Variants in DOCK9 observed in about 807,000 individuals in gnomAD.
DOCK9 encodes dedicator of cytokinesis protein 9.
DOCK9 carries 89 observed loss-of-function variants against 263.3 expected under a neutral mutation model. The ratio of observed to expected loss-of-function variants is 0.34; its 90% CI spans 0.28 to 0.40. The LOEUF (loss-of-function observed/expected upper bound fraction) is 0.40, where lower values mean the gene tolerates loss of function less well. Ranked by LOEUF, DOCK9 falls within the 10% of genes least tolerant of loss-of-function variation. The probability of loss-of-function intolerance (pLI) is 1.00; values close to 1 mark genes in which losing one functional copy is unlikely to be tolerated. For synonymous variants in DOCK9, 976 were observed against 973.1 expected (o/e 1.00, Z -0.06); for missense variants, 2,140 against 2,603.4 (o/e 0.82, Z 3.87).
At chr13:99,072,123 C>T (rs1470057287) in intron 1 of DOCK9, among the ~76,000 whole-genome samples, 6 of 152,206 alleles carry the variant, frequency 3.9e-5, no homozygotes, top group Non-Finnish European at 7.3e-5. Context: ...TGCACAACAT[C>T]TGGACACAGT....
intron 1 of DOCK9, among the ~76,000 whole-genome samples, chr13:99,003,090 A>G (rs1302251178): frequency 2.0e-5 from 3 of 152,210 alleles, no homozygotes; most frequent in African/African-American, 7.2e-5. Context: ...AGTCTACTAC[A>G]CAAGCCCCTT....
intron 1 of DOCK9, among the ~76,000 whole-genome samples, chr13:98,983,669 T>C (rs188637082): frequency 2.4e-3 from 370 of 151,092 alleles, no homozygotes; most frequent in African/African-American, 8.7e-3. Context: ...CAGGCTGGAG[T>C]GCAGTGGCAT....
rs192049554 is a variant in DOCK9, at chr13:98,950,518, G to A, written c.243+4917C>T. 2,558 of 385,154 alleles carry A rather than the reference G, an allele frequency of 6.6e-3. 20 individuals carry two copies. The highest frequency in any genetic ancestry group is 9.0e-3 in the Non-Finnish European group (1,945 of 215,644). 23.9% of individuals were successfully genotyped at this position (385,154 alleles called of 1,614,324 possible). On this transcript the variant is annotated intron_variant, in intron 2 of 52. Coordinates refer to ENST00000682017, the MANE Select transcript of DOCK9 (RefSeq NM_001366683.2). Reference sequence around the variant, plus strand: ...AGGTCTTGCTGTGCTGTCCAGGGTGGTCTTGAACTTCTAGGCTTAAGCAAT... The same window carrying A: ...AGGTCTTGCTGTGCTGTCCAGGGTGATCTTGAACTTCTAGGCTTAAGCAAT...
chr13:98,944,519 G>C (rs143836900), intron 2 of DOCK9, among the ~76,000 whole-genome samples: 1 of 152,126 alleles, frequency 6.6e-6, no homozygotes, highest in Admixed American at 6.5e-5. Context: ...GAGGCATCAT[G>C]GTTCCGCTGA....
At chr13:98,837,653 G>A in intron 38 of DOCK9, 44 bp from the exon 39 acceptor site, 2 of 1,401,424 alleles carry the variant, frequency 1.4e-6, no homozygotes, top group Admixed American at 1.8e-5. Context: ...TGGTTCAGAA[G>A]GCAAGGCTGG....
At chr13:98,974,545 T>G (rs760852271) in intron 1 of DOCK9, among the ~76,000 whole-genome samples, 15 of 150,466 alleles carry the variant, frequency 1.0e-4, no homozygotes, top group Non-Finnish European at 2.1e-4. Flanking sequence ...GGGTCAGGAG[T>G]TCGAAACCAG....
intron 20 of DOCK9, 111 bp from the exon 21 acceptor site, chr13:98,885,203 T>C: frequency 1.4e-6 from 2 of 1,430,328 alleles, no homozygotes; most frequent in Non-Finnish European, 1.9e-6. Context: ...TCCTATCAAT[T>C]AGAGTAAGAA....
At chr13:98,919,542 CG>C (rs1444537229) in intron 7 of DOCK9, among the ~76,000 whole-genome samples, 4 of 152,210 alleles carry the variant, frequency 2.6e-5, no homozygotes, top group Non-Finnish European at 5.9e-5. Context: ...CTTACAGAAT[CG>C]AGCTACAGGC....
At chr13:99,002,106 T>C (rs1237778192) in intron 1 of DOCK9, among the ~76,000 whole-genome samples, 1 of 152,236 alleles carries the variant, frequency 6.6e-6, no homozygotes, top group Admixed American at 6.5e-5. Flanking sequence ...TTCACTTCCA[T>C]TGTGCATCAG....
chr13:98,884,868 A>T, intron 21 of DOCK9, 103 bp downstream of exon 21: 1 of 1,340,180 alleles, frequency 7.5e-7, no homozygotes, highest in Non-Finnish European at 1.0e-6. Context: ...AAATGGTGGA[A>T]GAGCAAAAAT....
intron 1 of DOCK9, among the ~76,000 whole-genome samples, chr13:98,991,595 A>T (rs1213645798): frequency 6.6e-6 from 1 of 152,012 alleles, no homozygotes; most frequent in Non-Finnish European, 1.5e-5. Context: ...ACTGGGTTAA[A>T]TAAAATATAT....
chr13:99,008,597 C>T (rs954569838), intron 1 of DOCK9, among the ~76,000 whole-genome samples: 1 of 152,184 alleles, frequency 6.6e-6, no homozygotes, highest in Non-Finnish European at 1.5e-5. Flanking sequence ...TTCTTATACT[C>T]TACTTGTATC....
chr13:98,900,993 T>A (rs2048191093), intron 13 of DOCK9, among the ~76,000 whole-genome samples: 1 of 152,236 alleles, frequency 6.6e-6, no homozygotes, highest in South Asian at 2.1e-4. Context: ...ACAATTTTTT[T>A]TTTAAATAAC....
chr13:98,941,384 T>A (rs1756901901), intron 2 of DOCK9, among the ~76,000 whole-genome samples: 1 of 152,188 alleles, frequency 6.6e-6, no homozygotes, highest in Non-Finnish European at 1.5e-5. Flanking sequence ...TTTCACCAAA[T>A]AATGTACTGC....
intron 23 of DOCK9, among the ~76,000 whole-genome samples, chr13:98,882,492 C>T (rs1286886322): frequency 6.6e-6 from 1 of 152,144 alleles, no homozygotes; most frequent in Non-Finnish European, 1.5e-5. Context: ...GTCCCCATGC[C>T]CTTTTAGCTA....
chr13:98,885,323 G>T, intron 20 of DOCK9: 1 of 597,502 alleles, frequency 1.7e-6, no homozygotes, highest in East Asian at 3.5e-5. Context: ...ACATATGCAG[G>T]CTGGGCATGG....
Position 98,829,712 on chromosome 13 carries a change from A to G in DOCK9, c.4680T>C (p.Ile1560=), listed in dbSNP as rs1487624166. Residue 1560 remains isoleucine (I), a synonymous_variant, in exon 42 of 53, where the codon ATT becomes ATC. Coordinates refer to ENST00000682017, the MANE Select transcript of DOCK9 (RefSeq NM_001366683.2). This position sits in a 1 kb window ranked among gnomAD's most constrained non-coding sequence, Gnocchi z 4.1. Reference sequence around the variant, plus strand: ...GGGACTGCTGGAATCTGGTTCCCCCAATGCCAACAACGTCTGCTATCAGCT... The same window carrying G: ...GGGACTGCTGGAATCTGGTTCCCCCGATGCCAACAACGTCTGCTATCAGCT... ...VSQLIADVVG[I]GGTRFQQSLS... is the part of the protein sequence containing the mutation. 6.2e-7 allele frequency: 1 copy of G among 1,610,722 alleles called. No individual in the cohort carries two copies. The highest frequency in any genetic ancestry group is 8.5e-7 in the Non-Finnish European group (1 of 1,178,570).
At chr13:99,074,727 G>A (rs897871389) in intron 1 of DOCK9, among the ~76,000 whole-genome samples, 27 of 152,168 alleles carry the variant, frequency 1.8e-4, no homozygotes, top group African/African-American at 6.3e-4. Flanking sequence ...AAATCCACTT[G>A]TAACTCCTGT....
intron 49 of DOCK9, among the ~76,000 whole-genome samples, chr13:98,802,607 C>T (rs1375974057): frequency 9.2e-5 from 14 of 152,156 alleles, no homozygotes; most frequent in Non-Finnish European, 1.8e-4. Context: ...CTTCTCCTCG[C>T]CCCCCTTCTT....
Sources: gnomAD v4.1 joint callset for allele counts (sites outside exome capture counted in the v4.1 genomes callset) on GRCh38, gnomAD v4.1.1 for gene constraint, Gnocchi (gnomAD v3.1) non-coding constraint, MANE v1.5 for transcripts, NCBI Gene and HGNC (gene_info 2026-07-23, HGNC 2026-07-21) for gene names.